RPH3A: variants seen among roughly 807,000 people sequenced by gnomAD.
RPH3A encodes the protein rabphilin-3A.
In RPH3A, 48 loss-of-function variants were observed where a neutral mutation model predicts 102.2. The ratio of observed to expected loss-of-function variants is 0.47; its 90% CI spans 0.37 to 0.60. The LOEUF is 0.60. RPH3A is among the 20% of genes least tolerant of loss of function. The probability of loss-of-function intolerance (pLI) is 0.00; values close to 1 mark genes in which losing one functional copy is unlikely to be tolerated. For synonymous variants in RPH3A, 310 were observed against 324.3 expected, an observed-to-expected ratio of 0.96 and a Z score of 0.47; for missense variants, 781 against 910.1, an observed-to-expected ratio of 0.86 and a Z score of 1.83.
chr12:112,643,946 C>T (rs573344910), intron 1 of RPH3A, among the ~76,000 whole-genome samples: 1 of 152,236 alleles, frequency 6.6e-6, no homozygotes, highest in East Asian at 1.9e-4. Flanking sequence ...GTATATATAC[C>T]ATGGAATACT....
intron 1 of RPH3A, among the ~76,000 whole-genome samples, chr12:112,701,842 C>T (rs1412773702): frequency 6.6e-6 from 1 of 152,228 alleles, no homozygotes; most frequent in Non-Finnish European, 1.5e-5. Context: ...AGTGTCCAAC[C>T]AGAAACTTAC....
intron 1 of RPH3A, among the ~76,000 whole-genome samples, chr12:112,776,027 G>C (rs532764008): frequency 6.6e-6 from 1 of 152,140 alleles, no homozygotes; most frequent in South Asian, 2.1e-4. Flanking sequence ...CAGGTACTGT[G>C]CTGGGTGGTT....
intron 14 of RPH3A, among the ~76,000 whole-genome samples, chr12:112,880,903 T>G (rs1356811028): frequency 6.6e-6 from 1 of 152,148 alleles, no homozygotes; most frequent in Non-Finnish European, 1.5e-5. Context: ...ATTCATTAAG[T>G]GGAAGTGGAT....
At chr12:112,706,660 G>A (rs774713199) in intron 1 of RPH3A, among the ~76,000 whole-genome samples, 9 of 152,190 alleles carry the variant, frequency 5.9e-5, no homozygotes, top group Non-Finnish European at 1.2e-4. Context: ...TCCTGACCGA[G>A]TGTCTCACTC....
At chr12:112,893,769 T>C (rs2043136758) in intron 19 of RPH3A, 1 of 152,146 alleles carries the variant, frequency 6.6e-6, no homozygotes, top group Non-Finnish European at 1.5e-5. Context: ...GCTCAAGTGA[T>C]CCTCCCGCTT....
intron 1 of RPH3A, among the ~76,000 whole-genome samples, chr12:112,643,624 T>A (rs2039906312): frequency 1.3e-5 from 2 of 152,280 alleles, no homozygotes; most frequent in South Asian, 4.1e-4. Context: ...TTTGCCTTCA[T>A]GTTCGTGTCA....
chr12:112,619,885 T>C (rs2039709938), intron 1 of RPH3A, among the ~76,000 whole-genome samples: 1 of 152,232 alleles, frequency 6.6e-6, no homozygotes, highest in African/African-American at 2.4e-5. Flanking sequence ...TCAATTCCCT[T>C]TCTGAATTAG....
intron 1 of RPH3A, among the ~76,000 whole-genome samples, chr12:112,610,090 G>A (rs1450389913): frequency 1.3e-5 from 2 of 151,972 alleles, no homozygotes; most frequent in Admixed American, 6.6e-5. Context: ...ACTCTCCCCC[G>A]GCTCTCTTGG....
At chr12:112,867,404 G>A (rs1451048902) in intron 7 of RPH3A, among the ~76,000 whole-genome samples, 1 of 151,990 alleles carries the variant, frequency 6.6e-6, no homozygotes, top group African/African-American at 2.4e-5. Flanking sequence ...ATCCACTGCT[G>A]CAGAGTCCTG....
rs548056883 is a variant in RPH3A at position 112,683,115 on chromosome 12, C to T, written c.-140+107796C>T. Among the ~76,000 whole-genome samples the T allele has an allele frequency of 5.9e-5, 9 of 152,274 alleles. No individual in the cohort carries two copies. In the South Asian group the frequency reaches 1.7e-3, roughly 28 times the overall value. On this transcript the variant is annotated intron_variant, in intron 1 of 21. Transcript: ENST00000543106. ...CTTATTTAGTTCTGTATCTTCAGAG[C>T]ATGCTCAGGATATAGTAGGTGCTCA... is the stretch of plus-strand genomic sequence containing the variant.
chr12:112,832,315 TATTC>T (rs1298751087), intron 3 of RPH3A, among the ~76,000 whole-genome samples: 1 of 152,224 alleles, frequency 6.6e-6, no homozygotes, highest in East Asian at 1.9e-4. Flanking sequence ...TTCTAAAAAT[TATTC>T]ATTCATTTTA....
At chr12:112,578,651 C>T (rs149886817) in intron 1 of RPH3A, among the ~76,000 whole-genome samples, 92 of 152,302 alleles carry the variant, frequency 6.0e-4, no homozygotes, top group African/African-American at 2.0e-3. Flanking sequence ...CAATAAGCTC[C>T]TATTGCAAAA....
chr12:112,887,997 TG>T, intron 17 of RPH3A, 74 bp downstream of exon 17: 1 of 1,549,430 alleles, frequency 6.5e-7, no homozygotes. Flanking sequence ...GGGTCTGAAT[TG>T]GGGGAAATAG....
intron 1 of RPH3A, among the ~76,000 whole-genome samples, chr12:112,755,782 A>G (rs2040819353): frequency 6.6e-6 from 1 of 152,096 alleles, no homozygotes; most frequent in South Asian, 2.1e-4. Flanking sequence ...CAGAGCCCCA[A>G]CTAGCTCTCA....
At chr12:112,729,209 G>A (rs1293181458) in intron 1 of RPH3A, among the ~76,000 whole-genome samples, 2 of 151,904 alleles carry the variant, frequency 1.3e-5, no homozygotes, top group African/African-American at 4.8e-5. Flanking sequence ...CACAATCATG[G>A]CTCACTGCAG....
At chr12:112,865,315 A>G in intron 5 of RPH3A, 99 bp from the exon 6 acceptor site, 1 of 1,360,032 alleles carries the variant, frequency 7.4e-7, no homozygotes, top group Non-Finnish European at 1.0e-6. Flanking sequence ...ACAACAGCGT[A>G]TGACTCAAAG....
At chr12:112,591,986 C>T (rs1171693828) in intron 1 of RPH3A, among the ~76,000 whole-genome samples, 3 of 152,134 alleles carry the variant, frequency 2.0e-5, no homozygotes, top group Non-Finnish European at 4.4e-5. Flanking sequence ...GTGTAGTATT[C>T]GCATGTAACC....
intron 1 of RPH3A, among the ~76,000 whole-genome samples, chr12:112,767,289 G>C (rs1457708125): frequency 1.3e-5 from 2 of 152,122 alleles, no homozygotes; most frequent in Non-Finnish European, 2.9e-5. Flanking sequence ...GCTGTGGGGA[G>C]GGCAATGCTA....
chr12:112,712,888 C>T (rs962059339), intron 1 of RPH3A, among the ~76,000 whole-genome samples: 38 of 137,196 alleles, frequency 2.8e-4, no homozygotes, highest in African/African-American at 9.8e-4. Flanking sequence ...TTTTCTTCTT[C>T]TTCTTCTTCT....
Sources: gnomAD v4.1 joint callset for allele counts (sites outside exome capture counted in the v4.1 genomes callset) on GRCh38, gnomAD v4.1.1 for gene constraint, MANE v1.5 for transcripts, NCBI Gene and HGNC (gene_info 2026-07-23, HGNC 2026-07-21) for gene names.